The following NCOR1 variants were observed in gnomAD, a reference collection of about 807,000 sequenced individuals.
NCOR1 encodes the protein nuclear receptor corepressor 1, also known as protein phosphatase 1, regulatory subunit 109.
A neutral mutation model predicts 288.1 loss-of-function variants in NCOR1; 63 were observed. The observed-to-expected ratio is 0.22, with a 90% CI of 0.18 to 0.27. The LOEUF (loss-of-function observed/expected upper bound fraction) is 0.27, where lower values mean the gene tolerates loss of function less well. Ranked by LOEUF, NCOR1 falls within the 10% of genes least tolerant of loss-of-function variation. The pLI is 1.00. For missense variants in NCOR1, 2,397 were observed against 3,019.2 expected (o/e 0.79, Z 4.83); for synonymous variants, 1,007 against 1,065.9 (o/e 0.94, Z 1.08).
At chr17:16,064,016 C>G in intron 35 of NCOR1, 52 bp downstream of exon 35, 3 of 1,602,674 alleles carry the variant, frequency 1.9e-6, no homozygotes, top group Non-Finnish European at 2.6e-6. Context: ...GCACAGTGTA[C>G]AAGATTACTA....
At chr17:16,190,670 G>A (rs1373850364) in intron 2 of NCOR1, among the ~76,000 whole-genome samples, 2 of 151,998 alleles carry the variant, frequency 1.3e-5, no homozygotes, top group African/African-American at 2.4e-5. Flanking sequence ...TCTAAAGGAC[G>A]TACCCAGCAA....
intron 18 of NCOR1, among the ~76,000 whole-genome samples, chr17:16,111,342 C>G (rs564150516): frequency 6.6e-6 from 1 of 152,216 alleles, no homozygotes; most frequent in African/African-American, 2.4e-5. Flanking sequence ...TGGCTCAGAC[C>G]TGTAATCCCA....
intron 1 of NCOR1, among the ~76,000 whole-genome samples, chr17:16,196,444 AG>A (rs1289311567): frequency 6.6e-6 from 1 of 152,164 alleles, no homozygotes; most frequent in Non-Finnish European, 1.5e-5. Context: ...TCAAGATCAG[AG>A]GATCTCCTAA....
intron 3 of NCOR1, among the ~76,000 whole-genome samples, chr17:16,177,523 T>C (rs887897033): frequency 6.6e-6 from 1 of 152,172 alleles, no homozygotes; most frequent in Non-Finnish European, 1.5e-5. Flanking sequence ...GTTCCCACTT[T>C]TTCTGGCATG....
chr17:16,214,872 G>A (rs565317667), intron 1 of NCOR1, among the ~76,000 whole-genome samples: 1 of 152,322 alleles, frequency 6.6e-6, no homozygotes, highest in East Asian at 1.9e-4. Flanking sequence ...ATTACACCCT[G>A]AAGCGGTCTG....
intron 3 of NCOR1, among the ~76,000 whole-genome samples, chr17:16,185,732 G>A (rs1432794922): frequency 6.7e-6 from 1 of 148,864 alleles, no homozygotes; most frequent in African/African-American, 2.5e-5. Context: ...TTGGGAGGTA[G>A]GGGTGGGTGG....
intron 14 of NCOR1, among the ~76,000 whole-genome samples, chr17:16,130,201 T>C (rs967162870): frequency 6.6e-6 from 1 of 152,348 alleles, no homozygotes; most frequent in Non-Finnish European, 1.5e-5. Flanking sequence ...ACCTCACCTT[T>C]GTGCAATATG....
At chr17:16,087,242 A>C (rs1567926026) in intron 22 of NCOR1, 2 of 1,304,262 alleles carry the variant, frequency 1.5e-6, no homozygotes, top group Non-Finnish European at 1.0e-6. Flanking sequence ...CTCTTGGAGA[A>C]AGCCTACACG....
chr17:16,092,652 TATATATATATATATATATA>T (rs1567956023), intron 21 of NCOR1, among the ~76,000 whole-genome samples: 15 of 11,166 alleles, frequency 1.3e-3, no homozygotes, highest in Non-Finnish European at 1.7e-3. Context: ...TCCATTTATA[TATATATATATATATATATA>T]TATATATATA....
At chr17:16,121,297 T>C (rs762039884) in intron 15 of NCOR1, 28 bp from the exon 16 acceptor site, 2 of 1,596,310 alleles carry the variant, frequency 1.3e-6, no homozygotes, top group East Asian at 2.2e-5. Context: ...TGAAAACTTG[T>C]GTGATTCCAA....
chr17:16,068,837 C>G (rs755259465), intron 31 of NCOR1, among the ~76,000 whole-genome samples: 53 of 151,876 alleles, frequency 3.5e-4, no homozygotes, highest in Non-Finnish European at 1.6e-4. Flanking sequence ...TCTCAGCCTC[C>G]CAAGTAGCTG....
rs757019446 is a variant in NCOR1, at chr17:16,208,206, A to ATTTTTTTTTTTTTTTTTT, written c.-71+7138_-71+7155dup. Among the ~76,000 whole-genome samples the ATTTTTTTTTTTTTTTTTT allele has an allele frequency of 4.1e-4, 27 of 65,528 alleles. 1 individual carries two copies. Among genetic ancestry groups the ATTTTTTTTTTTTTTTTTT allele is most frequent in the African/African-American group, 1.1e-3 (18 of 16,386 alleles). The allele number at this position is 65,528 out of a possible 152,430, so 43.0% of individuals were successfully genotyped here. A position where few individuals can be genotyped will look rare whatever the true frequency, so the allele number is the denominator to read the frequency against. ...CAGGCGCGTGCCACCATGCCCAGCT[A>ATTTTTTTTTTTTTTTTTT]TTTTTTTTTTTTTTTTTTTTTTTTT... is the stretch of plus-strand genomic sequence containing the variant. On this transcript the variant is annotated intron_variant, in intron 1 of 45. Coordinates refer to ENST00000268712, the MANE Select transcript of NCOR1 (RefSeq NM_006311.4).
chr17:16,192,024 C>G lies in NCOR1; in HGVS notation c.108+2438G>C, dbSNP rs1451296535. ...GGTTGCCTAAGGAGGGATGAACCCA[C>G]CCAGGTTACAAAAAAAAAACAAAAA... On this transcript the variant is annotated intron_variant, in intron 2 of 45. Transcript: ENST00000268712. 6 of 151,322 alleles carry G rather than the reference C, an allele frequency of 4.0e-5. No homozygotes were observed. The Admixed American group carries it at 4.0e-4, about 10-fold the overall frequency. 9.4% of individuals were successfully genotyped at this position (151,322 alleles called of 1,614,324 possible).
intron 3 of NCOR1, among the ~76,000 whole-genome samples, chr17:16,182,793 G>A (rs1283173936): frequency 6.6e-6 from 1 of 152,014 alleles, no homozygotes; most frequent in African/African-American, 2.4e-5. Flanking sequence ...ATATGAAAGT[G>A]ATCAGTAAAA....
At chr17:16,177,599 G>C (rs560639136) in intron 3 of NCOR1, among the ~76,000 whole-genome samples, 26 of 152,228 alleles carry the variant, frequency 1.7e-4, no homozygotes, top group Non-Finnish European at 3.5e-4. Context: ...TGGCCCGAGG[G>C]AACATGTAAG....
rs186667702 is a variant in NCOR1 at position 16,111,225 on chromosome 17, C to T, written c.2056-2313G>A. 2.7e-4 allele frequency among the ~76,000 whole-genome samples: 41 copies of T among 152,320 alleles called. No homozygotes were observed. In the East Asian group the frequency reaches 7.1e-3, roughly 26 times the overall value. On this transcript the variant is annotated intron_variant, in intron 18 of 45. Coordinates refer to ENST00000268712, the MANE Select transcript of NCOR1 (RefSeq NM_006311.4). ...TCTGTTCACATGCAATAATTCACTA[C>T]GTTGCCAAGCATTTTCTTCAATATA...
At chr17:16,180,187 A>G (rs545035274) in intron 3 of NCOR1, among the ~76,000 whole-genome samples, 15 of 152,318 alleles carry the variant, frequency 9.8e-5, no homozygotes, top group African/African-American at 3.6e-4. Flanking sequence ...ATGGTGCTCA[A>G]TATCACTAAT....
At chr17:16,061,000 G>GT (rs773620480) in intron 37 of NCOR1, among the ~76,000 whole-genome samples, 4 of 152,146 alleles carry the variant, frequency 2.6e-5, no homozygotes, top group Non-Finnish European at 4.4e-5. Flanking sequence ...TTAAAAACCT[G>GT]TGTCTTAGAA....
chr17:16,193,528 C>T (rs931389970), intron 2 of NCOR1, among the ~76,000 whole-genome samples: 1 of 152,006 alleles, frequency 6.6e-6, no homozygotes, highest in Admixed American at 6.6e-5. Flanking sequence ...CCACCGCGCC[C>T]GGCCTGATTT....
Sources: gnomAD v4.1 joint callset for allele counts (sites outside exome capture counted in the v4.1 genomes callset) on GRCh38, gnomAD v4.1.1 for gene constraint, MANE v1.5 for transcripts, NCBI Gene and HGNC (gene_info 2026-07-23, HGNC 2026-07-21) for gene names.